CSMD1: variants seen among roughly 807,000 people sequenced by gnomAD.
CSMD1 encodes the protein CUB and sushi domain-containing protein 1.
Under a neutral mutation model 417.5 loss-of-function variants are expected in CSMD1, and 213 were observed. That is an observed-to-expected ratio of 0.51 (90% confidence interval 0.46 to 0.57). The LOEUF is 0.57. Among genes scored for constraint, CSMD1 ranks in the 20% least tolerant of loss-of-function variants. CSMD1 has a pLI of 0.00. For synonymous variants in CSMD1, 2,862 were observed against 1,736.8 expected, an observed-to-expected ratio of 1.65 and a Z score of -16.11; for missense variants, 6,923 against 4,529.7, an observed-to-expected ratio of 1.53 and a Z score of -15.17.
chr8:3,384,790 T>TATATATTTATATGATATATATA (rs1554533504), intron 18 of CSMD1, among the ~76,000 whole-genome samples: 1 of 118,696 alleles, frequency 8.4e-6, no homozygotes, highest in Admixed American at 1.1e-4. Flanking sequence ...TAATATATAT[T>TATATATTTATATGATATATATA]AATATATGCT....
chr8:4,407,826 T>C (rs981637901), intron 3 of CSMD1, among the ~76,000 whole-genome samples: 4 of 152,172 alleles, frequency 2.6e-5, no homozygotes, highest in African/African-American at 7.2e-5. Context: ...TTTGAACAAG[T>C]GTGAAAGTCT....
At chr8:3,297,082 C>G (rs1159258199) in intron 25 of CSMD1, among the ~76,000 whole-genome samples, 1 of 152,150 alleles carries the variant, frequency 6.6e-6, no homozygotes, top group African/African-American at 2.4e-5. Flanking sequence ...TGCCATTAAG[C>G]AGAAAGCATC....
At chr8:3,970,044 A>G (rs796088511) in intron 5 of CSMD1, among the ~76,000 whole-genome samples, 12 of 152,346 alleles carry the variant, frequency 7.9e-5, no homozygotes, top group South Asian at 6.2e-4. Flanking sequence ...CAGCATACTG[A>G]GCTACCAAAC....
At chr8:3,093,542 C>G (rs1219090008) in intron 47 of CSMD1, among the ~76,000 whole-genome samples, 1 of 152,064 alleles carries the variant, frequency 6.6e-6, no homozygotes, top group African/African-American at 2.4e-5. Flanking sequence ...GCGGCAGGCA[C>G]CTGTAATCCC....
intron 2 of CSMD1, among the ~76,000 whole-genome samples, chr8:4,445,667 A>G (rs1798741311): frequency 1.3e-5 from 2 of 152,332 alleles, no homozygotes; most frequent in South Asian, 4.1e-4. Flanking sequence ...AAGCCACTAG[A>G]GAACATTACA....
At chr8:4,400,209 C>T (rs901048051) in intron 3 of CSMD1, among the ~76,000 whole-genome samples, 2 of 152,158 alleles carry the variant, frequency 1.3e-5, no homozygotes, top group Admixed American at 6.5e-5. Context: ...CAGCTTGAAG[C>T]AAGCTTGGAA....
intron 3 of CSMD1, among the ~76,000 whole-genome samples, chr8:4,035,947 T>G (rs1309241853): frequency 1.3e-5 from 2 of 152,180 alleles, no homozygotes; most frequent in African/African-American, 4.8e-5. Context: ...CAAACTCTAT[T>G]CACGGTAAGT....
intron 3 of CSMD1, among the ~76,000 whole-genome samples, chr8:4,213,818 A>G (rs766713835): frequency 6.6e-6 from 1 of 152,022 alleles, no homozygotes. Context: ...TGAGAAAGAT[A>G]AGAAAAGAGA....
intron 42 of CSMD1, chr8:3,112,985 C>T (rs10112871): frequency 0.88 from 133,654 of 152,276 alleles, 59,585 homozygotes; most frequent in South Asian, 0.96. Context: ...ATCCTCGCTG[C>T]AGTGGCATCA....
At chr8:2,973,876 G>A (rs1304332121) in intron 56 of CSMD1, among the ~76,000 whole-genome samples, 1 of 150,010 alleles carries the variant, frequency 6.7e-6, no homozygotes. Context: ...TGGTGGTAGA[G>A]GATGATGGTA....
At chr8:4,140,192 C>G (rs1213231306) in intron 3 of CSMD1, among the ~76,000 whole-genome samples, 2 of 136,024 alleles carry the variant, frequency 1.5e-5, no homozygotes, top group East Asian at 4.0e-4. Context: ...GTATCTAAAA[C>G]CACAAAACAA....
chr8:3,138,699 C>G (rs1818256187), intron 41 of CSMD1, among the ~76,000 whole-genome samples: 1 of 152,112 alleles, frequency 6.6e-6, no homozygotes, highest in Non-Finnish European at 1.5e-5. Context: ...CGTGCAAGAG[C>G]TCTGAGGTAG....
At chr8:3,962,779 T>A (rs549550937) in intron 5 of CSMD1, among the ~76,000 whole-genome samples, 1 of 152,266 alleles carries the variant, frequency 6.6e-6, no homozygotes, top group Non-Finnish European at 1.5e-5. Flanking sequence ...GTTTCCACAA[T>A]ATTCATATTT....
chr8:3,087,895 G>T (rs1182545243), intron 48 of CSMD1, among the ~76,000 whole-genome samples: 1 of 152,192 alleles, frequency 6.6e-6, no homozygotes, highest in Non-Finnish European at 1.5e-5. Flanking sequence ...AAAATATTCT[G>T]CGTGTTTTTT....
At chr8:4,972,232 G>C (rs777154586) in intron 1 of CSMD1, among the ~76,000 whole-genome samples, 4 of 151,978 alleles carry the variant, frequency 2.6e-5, no homozygotes, top group African/African-American at 7.3e-5. Flanking sequence ...TGTCCTGTAA[G>C]AGTCACAAAA....
chr8:4,030,748 C>G (rs1797300504), intron 4 of CSMD1, among the ~76,000 whole-genome samples: 1 of 152,178 alleles, frequency 6.6e-6, no homozygotes, highest in Admixed American at 6.5e-5. Flanking sequence ...TTTTCTATCA[C>G]ATTGTCAGAC....
chr8:4,367,070 T>G (rs949103752), intron 3 of CSMD1, among the ~76,000 whole-genome samples: 1 of 152,224 alleles, frequency 6.6e-6, no homozygotes, highest in African/African-American at 2.4e-5. Context: ...TTGTCAATTT[T>G]TATTTTTATT....
intron 1 of CSMD1, among the ~76,000 whole-genome samples, chr8:4,736,427 T>C (rs1408269153): frequency 6.6e-6 from 1 of 151,894 alleles, no homozygotes; most frequent in Non-Finnish European, 1.5e-5. Context: ...GTGAATGAAT[T>C]TGCATGAACA....
intron 50 of CSMD1, among the ~76,000 whole-genome samples, chr8:3,046,984 T>G (rs1200650722): frequency 6.6e-6 from 1 of 151,520 alleles, no homozygotes; most frequent in African/African-American, 2.4e-5. Flanking sequence ...CCGAGGCGGG[T>G]GAATCATGAA....
Sources: gnomAD v4.1 joint callset for allele counts (sites outside exome capture counted in the v4.1 genomes callset) on GRCh38, gnomAD v4.1.1 for gene constraint, MANE v1.5 for transcripts, NCBI Gene and HGNC (gene_info 2026-07-23, HGNC 2026-07-21) for gene names.